The following ITGBL1 variants were observed in gnomAD, a reference collection of about 807,000 sequenced individuals.
The protein encoded by ITGBL1 is integrin beta-like protein 1.
ITGBL1 carries 51 observed loss-of-function variants against 68.5 expected under a neutral mutation model. The ratio of observed to expected loss-of-function variants is 0.74; its 90% CI spans 0.59 to 0.94. ITGBL1 has a LOEUF of 0.94. Ranked by LOEUF, ITGBL1 falls within the 40% of genes least tolerant of loss-of-function variation. ITGBL1 has a pLI of 0.00. For missense variants in ITGBL1, 649 were observed against 647.4 expected (o/e 1.00, Z -0.03); for synonymous variants, 209 against 227.3 (o/e 0.92, Z 0.72).
At chr13:101,706,661 G>C (rs968007812) in intron 8 of ITGBL1, 95 bp from the exon 9 acceptor site, 1 of 1,259,274 alleles carries the variant, frequency 7.9e-7, no homozygotes. Flanking sequence ...GATGGGAAAT[G>C]AGATCCTATG....
intron 2 of ITGBL1, among the ~76,000 whole-genome samples, chr13:101,462,290 ATCCAAGAC>A (rs2048328252): frequency 6.6e-6 from 1 of 152,172 alleles, no homozygotes; most frequent in Non-Finnish European, 1.5e-5. Flanking sequence ...TAAGCTTCCC[ATCCAAGAC>A]TCATAAACTT....
intron 7 of ITGBL1, among the ~76,000 whole-genome samples, chr13:101,672,081 T>C (rs2033392318): frequency 6.6e-6 from 1 of 152,248 alleles, no homozygotes; most frequent in Non-Finnish European, 1.5e-5. Flanking sequence ...TTTATGTAAA[T>C]AATTCAGTCA....
At chr13:101,712,325 CT>C (rs2034508363) in intron 9 of ITGBL1, 1 of 152,174 alleles carries the variant, frequency 6.6e-6, no homozygotes, top group South Asian at 2.1e-4. Flanking sequence ...GACTAGTAGA[CT>C]TTCAGAACTG....
intron 2 of ITGBL1, among the ~76,000 whole-genome samples, chr13:101,547,297 G>T (rs1481346585): frequency 6.6e-6 from 1 of 151,864 alleles, no homozygotes; most frequent in East Asian, 1.9e-4. Flanking sequence ...AACATATTAA[G>T]CTCACTTACT....
chr13:101,699,514 G>A (rs1055784954), intron 8 of ITGBL1, among the ~76,000 whole-genome samples: 3 of 152,272 alleles, frequency 2.0e-5, no homozygotes, highest in East Asian at 3.9e-4. Context: ...AAGTTCTCAC[G>A]AGATCTGAAG....
At chr13:101,541,833 A>G (rs1191207324) in intron 2 of ITGBL1, among the ~76,000 whole-genome samples, 1 of 151,940 alleles carries the variant, frequency 6.6e-6, no homozygotes, top group Non-Finnish European at 1.5e-5. Flanking sequence ...ATTTTCTAGT[A>G]TATTTGTGTA....
chr13:101,673,130 C>T (rs1254443550), intron 7 of ITGBL1, among the ~76,000 whole-genome samples: 1 of 152,204 alleles, frequency 6.6e-6, no homozygotes, highest in Non-Finnish European at 1.5e-5. Flanking sequence ...CTTCCCAAGA[C>T]ATTGAAATAA....
chr13:101,525,537 TATGTGGAAAAAATTAGG>T (rs2049362061), intron 2 of ITGBL1, among the ~76,000 whole-genome samples: 1 of 148,834 alleles, frequency 6.7e-6, no homozygotes, highest in Admixed American at 6.7e-5. Flanking sequence ...TTTTTTTTTT[TATGTGGAAAAAATTAGG>T]TTTCTTTTTC....
chr13:101,670,366 G>A (rs937186978), intron 7 of ITGBL1, among the ~76,000 whole-genome samples: 4 of 152,114 alleles, frequency 2.6e-5, no homozygotes, highest in South Asian at 2.1e-4. Flanking sequence ...CAGGAGGTTC[G>A]TGTTTGTGTG....
At chr13:101,583,169 ATGGTTTTTCTTGAC>A (rs1566742080) in intron 5 of ITGBL1, 33 bp from the exon 6 acceptor site, 1 of 1,576,756 alleles carries the variant, frequency 6.3e-7, no homozygotes, top group South Asian at 1.1e-5. Context: ...GCTTTCTTTC[ATGGTTTTTCTTGAC>A]TGGATTCTTA....
chr13:101,665,316 T>A (rs2033188246), intron 7 of ITGBL1, among the ~76,000 whole-genome samples: 1 of 152,088 alleles, frequency 6.6e-6, no homozygotes, highest in Non-Finnish European at 1.5e-5. Flanking sequence ...CTTAATAATT[T>A]GTAGTTTTCT....
At chr13:101,612,009 C>T (rs1024585384) in intron 7 of ITGBL1, among the ~76,000 whole-genome samples, 1 of 152,130 alleles carries the variant, frequency 6.6e-6, no homozygotes, top group African/African-American at 2.4e-5. Flanking sequence ...CTAATATATT[C>T]TTCAGTTATG....
intron 2 of ITGBL1, among the ~76,000 whole-genome samples, chr13:101,553,614 G>A (rs564391769): frequency 4.5e-4 from 68 of 152,126 alleles, no homozygotes; most frequent in Non-Finnish European, 9.4e-4. Flanking sequence ...TGAGATCAAG[G>A]TGTTGGCAGA....
intron 2 of ITGBL1, among the ~76,000 whole-genome samples, chr13:101,495,265 T>C (rs1191459574): frequency 6.6e-6 from 1 of 152,164 alleles, no homozygotes; most frequent in Non-Finnish European, 1.5e-5. Flanking sequence ...TGCTTAGAAA[T>C]GTCTGATGTG....
intron 2 of ITGBL1, among the ~76,000 whole-genome samples, chr13:101,492,158 T>C (rs193258374): frequency 1.3e-5 from 2 of 152,310 alleles, no homozygotes; most frequent in Non-Finnish European, 2.9e-5. Flanking sequence ...AGTAATGAGA[T>C]TGCTGGGTCA....
chr13:101,541,195 A>G (rs962963911), intron 2 of ITGBL1, among the ~76,000 whole-genome samples: 3 of 150,196 alleles, frequency 2.0e-5, no homozygotes, highest in South Asian at 2.1e-4. Context: ...TGGGTTTGTC[A>G]TAGATAGCTC....
chr13:101,623,366 G>C (rs1391500420), intron 7 of ITGBL1, among the ~76,000 whole-genome samples: 1 of 152,012 alleles, frequency 6.6e-6, no homozygotes, highest in African/African-American at 2.4e-5. Context: ...TCATAAAAAT[G>C]TTTGTGAAAT....
At position 101,513,152 on chromosome 13, in the gene ITGBL1, G is replaced by A. The variant is rs185493459; in HGVS notation, c.317-54547G>A. Among the ~76,000 whole-genome samples, 206 of 152,194 alleles carry A rather than the reference G, an allele frequency of 1.4e-3. 1 individual carries two copies. The highest frequency in any genetic ancestry group is 4.3e-3 in the African/African-American group (179 of 41,556). ...CTAAGGAACCCTCTATGAGTAATGGGTTTGTATAATTCCTTTTTCTTCAGT... is the reference window on the plus strand; with the variant it reads ...CTAAGGAACCCTCTATGAGTAATGGATTTGTATAATTCCTTTTTCTTCAGT... On this transcript the variant is annotated intron_variant, in intron 2 of 10. Coordinates refer to ENST00000376180, the MANE Select transcript of ITGBL1 (RefSeq NM_004791.3).
At chr13:101,546,653 A>G (rs1229406884) in intron 2 of ITGBL1, among the ~76,000 whole-genome samples, 1 of 152,100 alleles carries the variant, frequency 6.6e-6, no homozygotes, top group African/African-American at 2.4e-5. Context: ...CAAAGAAAAA[A>G]TTGGTAAATA....
Sources: gnomAD v4.1 joint callset for allele counts (sites outside exome capture counted in the v4.1 genomes callset) on GRCh38, gnomAD v4.1.1 for gene constraint, MANE v1.5 for transcripts, NCBI Gene and HGNC (gene_info 2026-07-23, HGNC 2026-07-21) for gene names.